COL15A1: variants seen among roughly 807,000 people sequenced by gnomAD.
COL15A1 encodes the protein collagen type XV alpha 1 chain, also known as collagen alpha-1(XV) chain.
Under a neutral mutation model 165.9 loss-of-function variants are expected in COL15A1, and 111 were observed. The observed-to-expected ratio is 0.67, with a 90% CI of 0.57 to 0.78. COL15A1 has a LOEUF of 0.78. COL15A1 is among the 30% of genes least tolerant of loss of function. The pLI is 0.00. For synonymous variants in COL15A1, 659 were observed against 674.8 expected, an observed-to-expected ratio of 0.98 and a Z score of 0.36; for missense variants, 1,745 against 1,789.7, an observed-to-expected ratio of 0.98 and a Z score of 0.45.
chr9:99,057,586 C>G (rs1349635223), intron 35 of COL15A1, among the ~76,000 whole-genome samples: 2 of 152,080 alleles, frequency 1.3e-5, no homozygotes, highest in Non-Finnish European at 2.9e-5. Context: ...ATTAACATCC[C>G]CATTGTACAG....
chr9:99,023,142 G>C (rs540379669), intron 13 of COL15A1, among the ~76,000 whole-genome samples: 1 of 152,166 alleles, frequency 6.6e-6, no homozygotes, highest in African/African-American at 2.4e-5. Flanking sequence ...AAAGGAGGCC[G>C]AGGACATGAG....
At chr9:99,002,990 TCC>T (rs1408743487) in intron 7 of COL15A1, among the ~76,000 whole-genome samples, 5 of 152,356 alleles carry the variant, frequency 3.3e-5, no homozygotes, top group African/African-American at 9.6e-5. Flanking sequence ...GCCTGTGCAT[TCC>T]CAAAGGAAAC....
chr9:99,055,220 A>C (rs1475924309), intron 33 of COL15A1, 42 bp from the exon 34 acceptor site: 1 of 1,580,934 alleles, frequency 6.3e-7, no homozygotes, highest in Non-Finnish European at 8.7e-7. Flanking sequence ...GACTGAGTTC[A>C]TCCCACTCTT....
intron 9 of COL15A1, among the ~76,000 whole-genome samples, chr9:99,007,711 G>A (rs149551819): frequency 4.5e-4 from 68 of 152,298 alleles, no homozygotes; most frequent in Non-Finnish European, 6.6e-4. Flanking sequence ...TATGTAAATA[G>A]GTTGCTGTTA....
At chr9:98,974,318 G>A (rs1313138248) in intron 2 of COL15A1, among the ~76,000 whole-genome samples, 1 of 152,176 alleles carries the variant, frequency 6.6e-6, no homozygotes, top group East Asian at 1.9e-4. Flanking sequence ...GTCTGCGGTT[G>A]CTGAACTCCT....
rs774425359 is a variant in COL15A1 at position 99,035,162 on chromosome 9, T to C, written c.2220+8T>C. 1.3e-6 allele frequency: 2 copies of C among 1,588,306 alleles called. No individual in the cohort carries two copies. The highest frequency in any genetic ancestry group is 1.7e-6 in the Non-Finnish European group (2 of 1,169,610). Reference sequence around the variant, plus strand: ...ATGGGACTTGGATTCGAGGTACTTTTCCCCTTTTCTGTGGTTATAAAAATG... The same window carrying C: ...ATGGGACTTGGATTCGAGGTACTTTCCCCCTTTTCTGTGGTTATAAAAATG... On this transcript the variant is annotated splice_region_variant and intron_variant, in intron 18 of 41. Transcript: ENST00000375001.
intron 19 of COL15A1, 36 bp from the exon 20 acceptor site, chr9:99,036,134 G>A: frequency 6.4e-7 from 1 of 1,560,784 alleles, no homozygotes; most frequent in South Asian, 1.1e-5. Context: ...TGAGCAAAGT[G>A]ACTAGAAGAA....
chr9:98,947,609 C>A (rs1443026504), intron 2 of COL15A1, among the ~76,000 whole-genome samples: 3 of 152,164 alleles, frequency 2.0e-5, no homozygotes, highest in Non-Finnish European at 4.4e-5. Context: ...AGGTGGGGTT[C>A]CTAGCCAGCC....
chr9:99,047,105 A>G (rs1209605517), intron 26 of COL15A1, among the ~76,000 whole-genome samples: 1 of 152,206 alleles, frequency 6.6e-6, no homozygotes, highest in Non-Finnish European at 1.5e-5. Flanking sequence ...GAAGACATAC[A>G]TCATCAGTGG....
In COL15A1 at chr9:99,070,717, A is replaced by C; in HGVS notation, c.*831A>C. 2.5e-6 allele frequency: 1 copy of C among 403,056 alleles called. No individual in the cohort carries two copies. The highest frequency in any genetic ancestry group is 5.0e-6 in the Non-Finnish European group (1 of 200,896). The allele number at this position is 403,056 out of a possible 1,614,324, so 25.0% of individuals were successfully genotyped here. On this transcript the variant is annotated 3_prime_UTR_variant, in exon 42 of 42. Transcript: ENST00000375001. ...TGAATTTTCTGAGAAACATATATCTACATGTTGTATAATTGGATTTTTTTT... is the reference window on the plus strand; with the variant it reads ...TGAATTTTCTGAGAAACATATATCTCCATGTTGTATAATTGGATTTTTTTT...
At chr9:98,944,470 T>TTGTCTGGGCACCCGAGA (rs2118727454) in intron 2 of COL15A1, among the ~76,000 whole-genome samples, 1 of 152,096 alleles carries the variant, frequency 6.6e-6, no homozygotes, top group African/African-American at 2.4e-5. Context: ...GGTTGGAGCG[T>TTGTCTGGGCACCCGAGA]TGTCTGGGCA....
chr9:99,065,635 G>A (rs1377917634), intron 39 of COL15A1, among the ~76,000 whole-genome samples: 1 of 148,832 alleles, frequency 6.7e-6, no homozygotes, highest in Non-Finnish European at 1.5e-5. Flanking sequence ...AAGGAGATGG[G>A]GATGGGGTGT....
At chr9:99,007,515 C>T (rs1301289315) in intron 9 of COL15A1, among the ~76,000 whole-genome samples, 1 of 152,090 alleles carries the variant, frequency 6.6e-6, no homozygotes, top group African/African-American at 2.4e-5. Context: ...TATTCCTAGA[C>T]AGGTAGGTCC....
At chr9:98,969,710 AG>A (rs1329684646) in intron 2 of COL15A1, among the ~76,000 whole-genome samples, 1 of 152,220 alleles carries the variant, frequency 6.6e-6, no homozygotes, top group East Asian at 1.9e-4. Context: ...GACAACAATA[AG>A]GGTGTGCTTC....
At chr9:99,054,514 G>A (rs1014801085) in intron 31 of COL15A1, 62 bp from the exon 32 acceptor site, 5 of 1,514,742 alleles carry the variant, frequency 3.3e-6, no homozygotes, top group Admixed American at 2.3e-5. Context: ...GTCTCAGAAA[G>A]GTTTTATATA....
chr9:99,047,877 G>A (rs3737146), intron 27 of COL15A1, 38 bp downstream of exon 27: 19,064 of 1,611,960 alleles, frequency 0.012, 815 homozygotes, highest in East Asian at 0.1. Context: ...TGGAGGGGGA[G>A]GACACGTGGG....
intron 16 of COL15A1, among the ~76,000 whole-genome samples, chr9:99,026,850 G>A (rs1839135160): frequency 6.6e-6 from 1 of 152,146 alleles, no homozygotes; most frequent in Non-Finnish European, 1.5e-5. Flanking sequence ...GACACTAAAG[G>A]TGTTAGCTTA....
chr9:98,975,253 T>A (rs1324493582), intron 2 of COL15A1, among the ~76,000 whole-genome samples: 1 of 152,208 alleles, frequency 6.6e-6, no homozygotes. Flanking sequence ...TCCCAGATGA[T>A]CGTCTGTGAG....
chr9:99,025,885 T>C lies in COL15A1; in HGVS notation c.1981-19T>C, dbSNP rs751397070. ...TTTAGCAGAAATGTTGTGGGTTGAT[T>C]GTCACTGATGTTCCCCAGGGCCCTG... is the stretch of plus-strand genomic sequence containing the variant. On this transcript the variant is annotated intron_variant, in intron 15 of 41. Coordinates refer to ENST00000375001, the MANE Select transcript of COL15A1 (RefSeq NM_001855.5). 2 of 1,611,326 alleles carry C rather than the reference T, an allele frequency of 1.2e-6. No homozygotes were observed. The highest frequency in any genetic ancestry group is 1.7e-6 in the Non-Finnish European group (2 of 1,178,884).
Sources: gnomAD v4.1 joint callset for allele counts (sites outside exome capture counted in the v4.1 genomes callset) on GRCh38, gnomAD v4.1.1 for gene constraint, MANE v1.5 for transcripts, NCBI Gene and HGNC (gene_info 2026-07-23, HGNC 2026-07-21) for gene names.